STPG2: variants seen among roughly 807,000 people sequenced by gnomAD.
STPG2 encodes sperm-tail PG-rich repeat-containing protein 2.
Under a neutral mutation model 54.2 loss-of-function variants are expected in STPG2, and 56 were observed. The ratio of observed to expected loss-of-function variants is 1.03; its 90% CI spans 0.83 to 1.29. The LOEUF (loss-of-function observed/expected upper bound fraction) is 1.29. STPG2 is among the 50% of genes most tolerant of loss of function. STPG2 has a pLI of 0.00. For synonymous variants in STPG2, 200 were observed against 181.8 expected, an observed-to-expected ratio of 1.10 and a Z score of -0.81; for missense variants, 596 against 544.9, an observed-to-expected ratio of 1.09 and a Z score of -0.93.
chr4:98,119,171 T>G (rs1260396044), intron 3 of STPG2, among the ~76,000 whole-genome samples: 1 of 152,124 alleles, frequency 6.6e-6, no homozygotes, highest in Non-Finnish European at 1.5e-5. Context: ...AAATATTCAC[T>G]TTACATGAGT....
intron 9 of STPG2, among the ~76,000 whole-genome samples, chr4:97,738,309 A>G (rs1301308114): frequency 6.6e-6 from 1 of 152,164 alleles, no homozygotes; most frequent in East Asian, 1.9e-4. Context: ...TCAACTAACG[A>G]GCAAAATAAC....
chr4:97,935,924 G>A (rs1732731089), intron 8 of STPG2, among the ~76,000 whole-genome samples: 1 of 152,072 alleles, frequency 6.6e-6, no homozygotes, highest in Non-Finnish European at 1.5e-5. Context: ...CACAAGTCCT[G>A]ACTATCCTTG....
At chr4:98,000,321 A>G (rs1735375634) in intron 5 of STPG2, among the ~76,000 whole-genome samples, 1 of 152,126 alleles carries the variant, frequency 6.6e-6, no homozygotes, top group Admixed American at 6.6e-5. Flanking sequence ...GAAACTTACA[A>G]TATTTTCAGG....
intron 9 of STPG2, among the ~76,000 whole-genome samples, chr4:97,780,833 T>C (rs566252639): frequency 0.016 from 2,482 of 151,516 alleles, 60 homozygotes; most frequent in African/African-American, 0.057. Flanking sequence ...GAATGACTAC[T>C]GGGTACATAA....
chr4:98,115,368 T>C (rs1349836464), intron 3 of STPG2, among the ~76,000 whole-genome samples: 4 of 151,890 alleles, frequency 2.6e-5, no homozygotes. Context: ...CTCTGAAAAA[T>C]AGATTTCTAA....
chr4:97,573,887 A>C (rs555080466), intron 10 of STPG2, among the ~76,000 whole-genome samples: 1 of 152,258 alleles, frequency 6.6e-6, no homozygotes, highest in African/African-American at 2.4e-5. Flanking sequence ...TGATAGAGCC[A>C]GTGCCCTTAT....
At chr4:97,797,164 T>C (rs975890727) in intron 9 of STPG2, among the ~76,000 whole-genome samples, 3 of 152,216 alleles carry the variant, frequency 2.0e-5, no homozygotes, top group Admixed American at 6.5e-5. Flanking sequence ...CTTTTCCTAA[T>C]TGAATACCCT....
intron 10 of STPG2, among the ~76,000 whole-genome samples, chr4:97,593,267 C>T (rs1733192035): frequency 1.3e-5 from 2 of 152,132 alleles, no homozygotes; most frequent in Non-Finnish European, 2.9e-5. Flanking sequence ...CAGTAGCCTC[C>T]TCATGCTACT....
intron 10 of STPG2, among the ~76,000 whole-genome samples, chr4:97,584,086 T>C (rs920046218): frequency 6.6e-6 from 1 of 151,940 alleles, no homozygotes; most frequent in Admixed American, 6.6e-5. Flanking sequence ...CTCATTATTT[T>C]CATTAGCATA....
chr4:97,582,987 T>C (rs899834360), intron 10 of STPG2, among the ~76,000 whole-genome samples: 4 of 152,010 alleles, frequency 2.6e-5, no homozygotes, highest in Non-Finnish European at 4.4e-5. Flanking sequence ...GGGAAATGTA[T>C]TTTTTTGCAG....
chr4:98,107,869 A>G (rs1739231795), intron 4 of STPG2, among the ~76,000 whole-genome samples: 2 of 152,140 alleles, frequency 1.3e-5, no homozygotes, highest in South Asian at 4.1e-4. Flanking sequence ...TATGTCAAGA[A>G]GACTATGATA....
chr4:97,657,292 T>A (rs146993071), intron 10 of STPG2, among the ~76,000 whole-genome samples: 2 of 152,176 alleles, frequency 1.3e-5, no homozygotes, highest in African/African-American at 2.4e-5. Flanking sequence ...TTATTACTCA[T>A]GCAAATACTA....
chr4:97,804,890 G>T (rs1036534990), intron 9 of STPG2, among the ~76,000 whole-genome samples: 1 of 152,086 alleles, frequency 6.6e-6, no homozygotes, highest in South Asian at 2.1e-4. Flanking sequence ...GCAGTGATAC[G>T]CTATGCAGGT....
intron 4 of STPG2, among the ~76,000 whole-genome samples, chr4:97,483,650 G>C (rs900558459): frequency 1.3e-5 from 2 of 151,746 alleles, no homozygotes; most frequent in Non-Finnish European, 2.9e-5. Context: ...TCCACTGACA[G>C]CACTAGACAG....
chr4:98,069,657 A>T (rs1737942315), intron 5 of STPG2, among the ~76,000 whole-genome samples: 1 of 152,112 alleles, frequency 6.6e-6, no homozygotes, highest in African/African-American at 2.4e-5. Context: ...TTCCATACAC[A>T]TCTAGACATT....
chr4:97,468,620 C>G (rs1729845390), intron 4 of STPG2, among the ~76,000 whole-genome samples: 1 of 151,960 alleles, frequency 6.6e-6, no homozygotes, highest in African/African-American at 2.4e-5. Flanking sequence ...GTGGTAATAA[C>G]CAGTCCAAGC....
chr4:97,549,902 T>G (rs779835675), intron 4 of STPG2, among the ~76,000 whole-genome samples: 1 of 152,154 alleles, frequency 6.6e-6, no homozygotes, highest in Non-Finnish European at 1.5e-5. Flanking sequence ...CTATCAAGTT[T>G]CAGGTATAAT....
chr4:97,920,983 C>T (rs1284440813), intron 8 of STPG2, among the ~76,000 whole-genome samples: 1 of 152,180 alleles, frequency 6.6e-6, no homozygotes, highest in Non-Finnish European at 1.5e-5. Flanking sequence ...TGTCCACAAG[C>T]AAAATGTTGT....
rs531595241 is a variant in STPG2 at position 97,969,589 on chromosome 4, C to T, written c.933+2691G>A. On this transcript the variant is annotated intron_variant, in intron 7 of 10. Transcript: ENST00000295268. ...ACAAAGAGACAGCCCCGTTGCATTG[C>T]GGGCTGCTGGCCAGATCCCGCAATA... Among the ~76,000 whole-genome samples, 21 of 152,236 alleles carry T rather than the reference C, an allele frequency of 1.4e-4. No homozygotes were observed. The East Asian group carries it at 1.9e-3, about 14-fold the overall frequency.
Sources: gnomAD v4.1 joint callset for allele counts (sites outside exome capture counted in the v4.1 genomes callset) on GRCh38, gnomAD v4.1.1 for gene constraint, MANE v1.5 for transcripts, NCBI Gene and HGNC (gene_info 2026-07-23, HGNC 2026-07-21) for gene names.